CCDC171: variants seen among roughly 807,000 people sequenced by gnomAD.
The protein encoded by CCDC171 is coiled-coil domain containing 171.
A neutral mutation model predicts 168.2 loss-of-function variants in CCDC171; 177 were observed. The observed-to-expected ratio is 1.05, with a 90% CI of 0.93 to 1.19. The LOEUF is 1.19. CCDC171 is among the 50% of genes most tolerant of loss of function. The pLI, the probability that CCDC171 is intolerant of heterozygous loss-of-function variation, is 0.00. For missense variants in CCDC171, 1,991 were observed against 1,539.0 expected (o/e 1.29, Z -4.91); for synonymous variants, 687 against 540.8 (o/e 1.27, Z -3.75).
At chr9:15,581,895 CA>C (rs529687462) in intron 4 of CCDC171, among the ~76,000 whole-genome samples, 4 of 152,064 alleles carry the variant, frequency 2.6e-5, no homozygotes, top group Non-Finnish European at 5.9e-5. Flanking sequence ...ACTAAAACAC[CA>C]AAAGCAATGG....
rs555923687 is a variant in CCDC171 at position 15,825,771 on chromosome 9, A to G, written c.3268-20931A>G. 1.6e-4 allele frequency among the ~76,000 whole-genome samples: 24 copies of G among 152,270 alleles called. No individual in the cohort carries two copies. The East Asian group carries it at 1.9e-3, about 12-fold the overall frequency. ...TCTAGAAGTGTCTTAATCTGCAGCT[A>G]TTAGCAGCTAGTTAGCTGTCAAATG... is the stretch of plus-strand genomic sequence containing the variant. On this transcript the variant is annotated intron_variant, in intron 21 of 25. Coordinates refer to ENST00000380701, the MANE Select transcript of CCDC171 (RefSeq NM_173550.4).
intron 10 of CCDC171, among the ~76,000 whole-genome samples, chr9:15,692,046 A>G (rs190657107): frequency 1.3e-5 from 2 of 152,292 alleles, no homozygotes; most frequent in East Asian, 3.9e-4. Flanking sequence ...GTATTTTATA[A>G]CACAGCAACA....
At chr9:15,922,926 C>T (rs1250242729) in intron 25 of CCDC171, among the ~76,000 whole-genome samples, 1 of 151,268 alleles carries the variant, frequency 6.6e-6, no homozygotes, top group African/African-American at 2.4e-5. Context: ...TGTTTTCTTG[C>T]TATTGTTAGA....
chr9:15,789,625 A>C (rs1036535300), intron 21 of CCDC171, among the ~76,000 whole-genome samples: 16 of 152,170 alleles, frequency 1.1e-4, no homozygotes, highest in African/African-American at 3.9e-4. Flanking sequence ...ATTATACTTT[A>C]AGTTCTAGGG....
the CCDC171 span, among the ~76,000 whole-genome samples, chr9:16,093,613 C>T: frequency 3.9e-5 from 6 of 152,216 alleles, no homozygotes; most frequent in Non-Finnish European, 8.8e-5. Flanking sequence ...CCTCTTCTCT[C>T]TCTGATGTTG....
At chr9:15,965,658 A>T (rs1412973618) in intron 25 of CCDC171, among the ~76,000 whole-genome samples, 1 of 152,146 alleles carries the variant, frequency 6.6e-6, no homozygotes, top group Non-Finnish European at 1.5e-5. Flanking sequence ...TAAAGTTAGA[A>T]TTCATATCAT....
chr9:15,723,353 A>G (rs1159700020), intron 12 of CCDC171, among the ~76,000 whole-genome samples: 3 of 152,220 alleles, frequency 2.0e-5, no homozygotes, highest in Non-Finnish European at 4.4e-5. Context: ...TTGGTCCAGT[A>G]GGATTTTAAG....
At chr9:15,586,890 C>G (rs913498229) in intron 4 of CCDC171, among the ~76,000 whole-genome samples, 15 of 151,680 alleles carry the variant, frequency 9.9e-5, no homozygotes, top group Middle Eastern at 6.8e-3. Flanking sequence ...TCAGTGCAGC[C>G]TTGAACTCCT....
chr9:16,096,689 T>TAAAC, the CCDC171 span, among the ~76,000 whole-genome samples: 3 of 152,280 alleles, frequency 2.0e-5, no homozygotes, highest in South Asian at 6.2e-4. Context: ...GTGGGGTGTT[T>TAAAC]CTCCATGACA....
upstream of CCDC171, chr9:16,042,787 A>AT (rs960402572): frequency 2.0e-5 from 3 of 151,960 alleles, no homozygotes; most frequent in African/African-American, 7.2e-5. Flanking sequence ...TTTTGTTTTC[A>AT]TTTCTAATAG....
rs537929284 is a variant in CCDC171 at position 15,853,785 on chromosome 9, T to C, written c.3468+4838T>C. Among the ~76,000 whole-genome samples, 126 of 151,688 alleles carry C rather than the reference T, an allele frequency of 8.3e-4. 2 individuals are homozygous for C. In the South Asian group the frequency reaches 0.025, roughly 30 times the overall value. On this transcript the variant is annotated intron_variant, in intron 23 of 25. Coordinates refer to ENST00000380701, the MANE Select transcript of CCDC171 (RefSeq NM_173550.4). ...AAAGTGCTCTTCCTTTCCTGGTTTT[T>C]TGAGTGTTTTTATGAAAAGGAATTC... is the stretch of plus-strand genomic sequence containing the variant.
In CCDC171 at chr9:15,846,751, G is replaced by A. The variant is rs374545016; in HGVS notation, c.3317G>A (p.Arg1106His). ...CTGAGAAGAAAAGATCAATCTCTGC[G>A]TCAGCTCAATAGACATCTTACCCAG... Reference protein sequence around the residue: ...MELRRKDQSLRQLNRHLTQLE... With the variant: ...MELRRKDQSLHQLNRHLTQLE... The change falls in exon 22 of 26, where the codon CGT (arginine) becomes CAT (histidine). Residue 1106 changes from arginine (R) to histidine (H), a missense_variant. Transcript: ENST00000380701. The A allele has an allele frequency of 3.2e-5, 51 of 1,612,830 alleles. No individual in the cohort carries two copies. Among genetic ancestry groups the A allele is most frequent in the Non-Finnish European group, 3.4e-5 (40 of 1,179,376 alleles).
chr9:15,946,682 T>C (rs1828434902), intron 25 of CCDC171, among the ~76,000 whole-genome samples: 1 of 152,028 alleles, frequency 6.6e-6, no homozygotes, highest in Admixed American at 6.6e-5. Context: ...TTAAAGTTCA[T>C]ATGGAACCAA....
At chr9:15,836,457 C>G (rs1045939081) in intron 21 of CCDC171, among the ~76,000 whole-genome samples, 17 of 152,270 alleles carry the variant, frequency 1.1e-4, no homozygotes, top group African/African-American at 3.1e-4. Context: ...GCTCCGCCTC[C>G]CGGGTTCACG....
At chr9:15,723,556 A>G (rs927690239) in intron 12 of CCDC171, 125 bp from the exon 13 acceptor site, 11 of 653,554 alleles carry the variant, frequency 1.7e-5, no homozygotes, top group Non-Finnish European at 2.7e-5. Context: ...CTATTGAAAA[A>G]TTTGTATTTA....
At chr9:16,047,993 T>G (rs1484092907) in intron 1 of CCDC171, among the ~76,000 whole-genome samples, 1 of 151,836 alleles carries the variant, frequency 6.6e-6, no homozygotes, top group Admixed American at 6.6e-5. Context: ...AGGTAGGGAG[T>G]GGGGACAGAG....
intron 25 of CCDC171, among the ~76,000 whole-genome samples, chr9:15,946,561 G>C (rs1179212430): frequency 6.6e-6 from 1 of 151,962 alleles, no homozygotes; most frequent in Non-Finnish European, 1.5e-5. Flanking sequence ...CTCATGGGTA[G>C]GAAGAATCAA....
chr9:15,857,298 T>A (rs2061382649), intron 23 of CCDC171, among the ~76,000 whole-genome samples: 1 of 152,026 alleles, frequency 6.6e-6, no homozygotes, highest in South Asian at 2.1e-4. Context: ...ATGAAATCGT[T>A]GCAAAGGCTA....
chr9:15,653,418 A>G (rs1343789477), intron 7 of CCDC171, among the ~76,000 whole-genome samples: 3 of 152,038 alleles, frequency 2.0e-5, no homozygotes. Context: ...TGGGGATTAC[A>G]AGTGTGAGCC....
Sources: gnomAD v4.1 joint callset for allele counts (sites outside exome capture counted in the v4.1 genomes callset) on GRCh38, gnomAD v4.1.1 for gene constraint, MANE v1.5 for transcripts, NCBI Gene and HGNC (gene_info 2026-07-23, HGNC 2026-07-21) for gene names.